The following MED13 variants were observed in gnomAD, a reference collection of about 807,000 sequenced individuals.
The protein encoded by MED13 is mediator of RNA polymerase II transcription subunit 13.
A neutral mutation model predicts 225.2 loss-of-function variants in MED13; 23 were observed. That is an observed-to-expected ratio of 0.10 (90% CI 0.07 to 0.14). The LOEUF (loss-of-function observed/expected upper bound fraction) is 0.14, where lower values mean the gene tolerates loss of function less well. Ranked by LOEUF, MED13 falls within the 10% of genes least tolerant of loss-of-function variation. MED13 has a pLI of 1.00. For missense variants in MED13, 2,197 were observed against 2,594.5 expected (o/e 0.85, Z 3.33); for synonymous variants, 942 against 889.2 (o/e 1.06, Z -1.06).
intron 10 of MED13, among the ~76,000 whole-genome samples, 170 bp from the exon 11 acceptor site, chr17:61,992,791 A>G (rs901158191): frequency 6.6e-6 from 1 of 150,864 alleles, no homozygotes; most frequent in Non-Finnish European, 1.5e-5. Flanking sequence ...TTTTTTTGAG[A>G]TGGACTCTCG....
At chr17:62,047,540 A>C (rs2080909167) in intron 3 of MED13, among the ~76,000 whole-genome samples, 1 of 152,074 alleles carries the variant, frequency 6.6e-6, no homozygotes, top group South Asian at 2.1e-4. Context: ...AACATCACAG[A>C]CTGGGGCCTG....
At chr17:62,014,330 A>G (rs1039976893) in intron 8 of MED13, among the ~76,000 whole-genome samples, 1 of 149,152 alleles carries the variant, frequency 6.7e-6, no homozygotes. Context: ...ATATATATAT[A>G]TTTTGAGACA....
chr17:61,961,992 C>T (rs908205637), intron 21 of MED13, among the ~76,000 whole-genome samples: 3 of 151,978 alleles, frequency 2.0e-5, no homozygotes, highest in Admixed American at 6.6e-5. Flanking sequence ...TATTTAAAAC[C>T]TATAAAACTT....
intron 17 of MED13, among the ~76,000 whole-genome samples, chr17:61,971,743 G>A (rs763361042): frequency 3.9e-5 from 6 of 152,014 alleles, no homozygotes; most frequent in Non-Finnish European, 8.8e-5. Context: ...AAACCAGCCC[G>A]GCCAACGTGA....
chr17:61,991,840 T>C (rs1200743709), intron 11 of MED13, among the ~76,000 whole-genome samples: 1 of 152,014 alleles, frequency 6.6e-6, no homozygotes, highest in African/African-American at 2.4e-5. Flanking sequence ...GGGATGGTGT[T>C]TCACCATGTT....
rs2080075611 is a variant in MED13 at position 61,968,193 on chromosome 17, G to A, written c.4033C>T (p.Leu1345=). 6.2e-7 allele frequency: 1 copy of A among 1,614,110 alleles called. No individual in the cohort carries two copies. The highest frequency in any genetic ancestry group is 8.5e-7 in the Non-Finnish European group (1 of 1,179,996). ...TFLLGYDYDY[L]VLSPFALPYW... is the part of the protein sequence containing the mutation. ...GGAAGAGCAAATGGAGAAAGCACCA[G>A]ATAATCATAATCATAACCCAACAAA... Residue 1345 remains leucine (L), a synonymous_variant, in exon 18 of 30, where the codon CTG becomes TTG. Transcript: ENST00000397786.
chr17:62,047,737 T>C (rs1382614248), intron 3 of MED13, among the ~76,000 whole-genome samples: 1 of 151,030 alleles, frequency 6.6e-6, no homozygotes. Context: ...AACAAATAAA[T>C]AAATAAAATA....
chr17:61,970,457 G>C (rs371496805), intron 17 of MED13, among the ~76,000 whole-genome samples: 1 of 152,042 alleles, frequency 6.6e-6, no homozygotes, highest in African/African-American at 2.4e-5. Context: ...TAGGTAGGTG[G>C]ATCACTTGAG....
intron 3 of MED13, among the ~76,000 whole-genome samples, chr17:62,044,249 T>C (rs2080879483): frequency 6.6e-6 from 1 of 151,504 alleles, no homozygotes; most frequent in Non-Finnish European, 1.5e-5. Flanking sequence ...AAAAAATCGA[T>C]GAATTTCTTT....
chr17:61,998,570 CAAT>C (rs2143532449), intron 9 of MED13, among the ~76,000 whole-genome samples: 1 of 146,212 alleles, frequency 6.8e-6, no homozygotes, highest in Admixed American at 6.9e-5. Context: ...CAAATGAATG[CAAT>C]AATGTCAAAA....
rs188842593 is a variant in MED13 at position 62,010,496 on chromosome 17, T to C, written c.1967+54A>G. 3.0e-3 allele frequency: 3,507 copies of C among 1,185,680 alleles called. 9 individuals carry two copies. The highest frequency in any genetic ancestry group is 4.1e-3 in the South Asian group (140 of 33,736). The allele number at this position is 1,185,680 out of a possible 1,614,324, so 73.4% of individuals were successfully genotyped here. A position where few individuals can be genotyped will look rare whatever the true frequency, so the allele number is the denominator to read the frequency against. ...AATACTGAGTCCTAGTATTAAGAAC[T>C]TGCATCACTTCCACCCTTAAATTAT... is the stretch of plus-strand genomic sequence containing the variant. On this transcript the variant is annotated intron_variant, in intron 9 of 29. Coordinates refer to ENST00000397786, the MANE Select transcript of MED13 (RefSeq NM_005121.3).
intron 20 of MED13, among the ~76,000 whole-genome samples, chr17:61,963,650 A>G (rs573161926): frequency 6.6e-6 from 1 of 152,248 alleles, no homozygotes; most frequent in African/African-American, 2.4e-5. Context: ...TACAGCTTCA[A>G]TGGTGTACAA....
chr17:61,952,172 C>T lies in MED13; in HGVS notation c.6117+793G>A, dbSNP rs183647102. The stretch of plus-strand genomic sequence containing the variant: ...CCTCCCAAAGTGCTGGGATTACAGA[C>T]GTGAGCCACCGCGCCCAGCCCAGTA... On this transcript the variant is annotated intron_variant, in intron 27 of 29. Coordinates refer to ENST00000397786, the MANE Select transcript of MED13 (RefSeq NM_005121.3). 3.1e-4 allele frequency among the ~76,000 whole-genome samples: 47 copies of T among 152,154 alleles called. No individual in the cohort carries two copies. The East Asian group carries it at 7.7e-3, about 25-fold the overall frequency.
chr17:61,973,601 T>C (rs901799539), intron 16 of MED13, among the ~76,000 whole-genome samples: 1 of 152,216 alleles, frequency 6.6e-6, no homozygotes, highest in Non-Finnish European at 1.5e-5. Flanking sequence ...CTAAACCTGT[T>C]TGAGCACAGT....
intron 3 of MED13, among the ~76,000 whole-genome samples, chr17:62,049,012 T>C (rs1233756154): frequency 6.9e-6 from 1 of 144,998 alleles, no homozygotes; most frequent in Non-Finnish European, 1.5e-5. Flanking sequence ...ATCTCAAAAG[T>C]ATCACCATCC....
intron 11 of MED13, among the ~76,000 whole-genome samples, chr17:61,989,655 C>T (rs2080278497): frequency 6.6e-6 from 1 of 152,182 alleles, no homozygotes; most frequent in Non-Finnish European, 1.5e-5. Context: ...TGTTTTTACA[C>T]AGATAGGGTC....
chr17:62,001,919 T>C lies in MED13; in HGVS notation c.1968-6554A>G, dbSNP rs1170653683. On this transcript the variant is annotated intron_variant, in intron 9 of 29. Transcript: ENST00000397786. Reference sequence around the variant, plus strand: ...AATTTAAAAAGAAAAATAATACTCCTAAGAAGAGATACAAAATGCAGAGGA... The same window carrying C: ...AATTTAAAAAGAAAAATAATACTCCCAAGAAGAGATACAAAATGCAGAGGA... Among the ~76,000 whole-genome samples, 64 of 152,284 alleles carry C rather than the reference T, an allele frequency of 4.2e-4. 1 individual carries two copies.
rs2080502619 is a variant in MED13, at chr17:62,010,973, T to A, written c.1544A>T (p.Asp515Val). The A allele has an allele frequency of 6.2e-7, 1 of 1,613,506 alleles. No individual in the cohort carries two copies. The highest frequency in any genetic ancestry group is 1.7e-5 in the Admixed American group (1 of 60,008). Residue 515 changes from aspartate to valine, a missense_variant, in exon 9 of 30, where the codon GAT becomes GTT. Asp to Val is a radical substitution (Grantham distance 152, BLOSUM62 -3). Around this residue, in one of 12 missense-constraint regions of MED13, gnomAD observed 884 missense variants for 918.5 expected, o/e 0.96. Coordinates refer to ENST00000397786, the MANE Select transcript of MED13 (RefSeq NM_005121.3). ...ATGCATCTGAGGAGTCTTTGCTACA[T>A]CATTAGTTCGGATATTTGAAAATCT... is the stretch of plus-strand genomic sequence containing the variant. ...QVRFSNIRTN[D>V]VAKTPQMHGT...
chr17:61,999,569 C>T (rs970551107), intron 9 of MED13, among the ~76,000 whole-genome samples: 4 of 152,196 alleles, frequency 2.6e-5, no homozygotes, highest in Non-Finnish European at 4.4e-5. Context: ...CTATGTTCCA[C>T]TCCAACCTCT....
Sources: allele counts gnomAD v4.1 joint callset (sites outside exome capture counted in the v4.1 genomes callset), GRCh38; gene constraint gnomAD v4.1.1; regional missense constraint gnomAD v4.1.1; transcripts MANE v1.5; gene names NCBI Gene and HGNC (gene_info 2026-07-23, HGNC 2026-07-21).